The following NCKAP5 variants were observed in gnomAD, a reference collection of about 807,000 sequenced individuals.
NCKAP5 encodes the protein NCK associated protein 5.
NCKAP5 carries 92 observed loss-of-function variants against 167.0 expected under a neutral mutation model. That is an observed-to-expected ratio of 0.55 (90% CI 0.47 to 0.66). The LOEUF (loss-of-function observed/expected upper bound fraction) is 0.66, where lower values mean the gene tolerates loss of function less well. Ranked by LOEUF, NCKAP5 falls within the 30% of genes least tolerant of loss-of-function variation. NCKAP5 has a pLI of 0.00. For synonymous variants in NCKAP5, 891 were observed against 877.4 expected, an observed-to-expected ratio of 1.02 and a Z score of -0.27; for missense variants, 2,378 against 2,315.0, an observed-to-expected ratio of 1.03 and a Z score of -0.56.
the NCKAP5 span, among the ~76,000 whole-genome samples, chr2:133,622,952 C>T: frequency 1.3e-5 from 2 of 151,176 alleles, no homozygotes; most frequent in Non-Finnish European, 3.0e-5. Context: ...TAAAAATAGG[C>T]ACATAGACCA....
chr2:133,485,573 G>A (rs1014426445), intron 3 of NCKAP5, among the ~76,000 whole-genome samples: 2 of 152,160 alleles, frequency 1.3e-5, no homozygotes, highest in African/African-American at 4.8e-5. Flanking sequence ...TAGTGACAAG[G>A]TCAAAATCAG....
intron 3 of NCKAP5, among the ~76,000 whole-genome samples, chr2:133,346,962 G>A (rs989184285): frequency 2.6e-5 from 4 of 152,210 alleles, no homozygotes; most frequent in African/African-American, 7.2e-5. Flanking sequence ...ACTGAGTGTT[G>A]TAGTTGCCTC....
chr2:133,044,705 C>T (rs964290896), intron 6 of NCKAP5, among the ~76,000 whole-genome samples: 5 of 152,122 alleles, frequency 3.3e-5, no homozygotes, highest in South Asian at 2.1e-4. Context: ...AACAACCCAG[C>T]AATTTCACTC....
At chr2:132,909,492 C>T (rs1340688794) in intron 8 of NCKAP5, among the ~76,000 whole-genome samples, 2 of 152,158 alleles carry the variant, frequency 1.3e-5, no homozygotes, top group Non-Finnish European at 1.5e-5. Flanking sequence ...AAATTTTCCC[C>T]TTTATCAAAA....
rs146532015 is a variant in NCKAP5 at position 133,450,221 on chromosome 2, G to C, written c.69+67237C>G. Among the ~76,000 whole-genome samples the C allele has an allele frequency of 1.1e-4, 17 of 152,222 alleles. No homozygotes were observed. In the East Asian group the frequency reaches 3.3e-3, roughly 29 times the overall value. ...GTCTGTGCTGCCCATCTGTTCTCCAGGCTAATCTTCCCTGTTCTGTTATCC... is the reference window on the plus strand; with the variant it reads ...GTCTGTGCTGCCCATCTGTTCTCCACGCTAATCTTCCCTGTTCTGTTATCC... On this transcript the variant is annotated intron_variant, in intron 3 of 19. Coordinates refer to ENST00000409261, the MANE Select transcript of NCKAP5 (RefSeq NM_207363.3).
At chr2:132,827,157 G>A (rs1359505728) in intron 11 of NCKAP5, among the ~76,000 whole-genome samples, 2 of 152,156 alleles carry the variant, frequency 1.3e-5, no homozygotes, top group Non-Finnish European at 2.9e-5. Context: ...CAGTTAAAAT[G>A]ACTGAGCATT....
intron 5 of NCKAP5, among the ~76,000 whole-genome samples, chr2:133,177,168 AT>A (rs1248040603): frequency 5.0e-5 from 4 of 80,758 alleles, no homozygotes; most frequent in African/African-American, 3.3e-4. Context: ...TGTTTTCTAT[AT>A]ATATATATAT....
intron 4 of NCKAP5, among the ~76,000 whole-genome samples, chr2:133,239,954 C>A (rs7576431): frequency 0.056 from 8,437 of 152,010 alleles, 700 homozygotes; most frequent in African/African-American, 0.19. Flanking sequence ...CAATAAATAA[C>A]CCTGGCCTTA....
intron 19 of NCKAP5, among the ~76,000 whole-genome samples, chr2:132,673,886 A>T (rs1440706493): frequency 6.6e-6 from 1 of 152,086 alleles, no homozygotes; most frequent in East Asian, 1.9e-4. Context: ...TAAAAATTAA[A>T]GCGGCAGGTG....
chr2:132,932,973 G>A (rs570736740), intron 8 of NCKAP5, among the ~76,000 whole-genome samples: 17 of 141,200 alleles, frequency 1.2e-4, no homozygotes, highest in African/African-American at 4.6e-4. Context: ...TGCCCAGGCT[G>A]GAGTGCAGTG....
chr2:133,620,372 G>C, the NCKAP5 span, among the ~76,000 whole-genome samples: 1 of 152,000 alleles, frequency 6.6e-6, no homozygotes, highest in Non-Finnish European at 1.5e-5. Flanking sequence ...CTGTCTTCAG[G>C]AGACTCACCT....
intron 15 of NCKAP5, among the ~76,000 whole-genome samples, chr2:132,780,443 C>A (rs1682935375): frequency 2.0e-5 from 3 of 152,322 alleles, no homozygotes. Context: ...AGCCACCGCA[C>A]CCGGCCTTAT....
intron 5 of NCKAP5, among the ~76,000 whole-genome samples, chr2:133,188,375 C>T (rs374470808): frequency 2.0e-5 from 3 of 151,936 alleles, no homozygotes; most frequent in Non-Finnish European, 4.4e-5. Flanking sequence ...GACAGATCAA[C>T]GAGACAGAAA....
rs527834181 is a variant in NCKAP5, at chr2:132,704,238, G to A, written c.5713+21389C>T. On this transcript the variant is annotated intron_variant, in intron 19 of 19. Coordinates refer to ENST00000409261, the MANE Select transcript of NCKAP5 (RefSeq NM_207363.3). ...ACTTTTTGTATCACTGAGCCCAGAG[G>A]TGAAGTAGGTATCCGTCTTTCCTAC... Among the ~76,000 whole-genome samples, 5 of 152,232 alleles carry A rather than the reference G, an allele frequency of 3.3e-5. No homozygotes were observed. In the South Asian group the frequency reaches 1.0e-3, roughly 32 times the overall value.
intron 4 of NCKAP5, among the ~76,000 whole-genome samples, chr2:133,278,655 C>A (rs2089824979): frequency 6.6e-6 from 1 of 151,522 alleles, no homozygotes. Flanking sequence ...TCCTACCACA[C>A]ATAGCAAGAA....
At position 133,403,580 on chromosome 2, in the gene NCKAP5, T is replaced by C. The variant is rs369216908; in HGVS notation, c.70-100470A>G. On this transcript the variant is annotated intron_variant, in intron 3 of 19. Coordinates refer to ENST00000409261, the MANE Select transcript of NCKAP5 (RefSeq NM_207363.3). The stretch of plus-strand genomic sequence containing the variant: ...CGTACTAGATTTTCAGGAAAGTCCA[T>C]GTATTGTAATTCTAAGAACTCAAGG... Among the ~76,000 whole-genome samples, 30 of 152,294 alleles carry C rather than the reference T, an allele frequency of 2.0e-4. 1 individual carries two copies. The South Asian group carries it at 4.1e-3, about 21-fold the overall frequency.
At chr2:133,422,958 G>A (rs931523593) in intron 3 of NCKAP5, among the ~76,000 whole-genome samples, 3 of 152,096 alleles carry the variant, frequency 2.0e-5, no homozygotes, top group East Asian at 1.9e-4. Context: ...CCCCACCACC[G>A]GGAAGCCTAA....
intron 6 of NCKAP5, among the ~76,000 whole-genome samples, chr2:133,052,956 T>TA (rs769884658): frequency 3.4e-4 from 51 of 151,560 alleles, no homozygotes; most frequent in Non-Finnish European, 5.7e-4. Context: ...GAAAACAAAA[T>TA]AAAAAAATAC....
intron 11 of NCKAP5, among the ~76,000 whole-genome samples, chr2:132,829,092 C>T (rs898772249): frequency 2.0e-5 from 3 of 152,128 alleles, no homozygotes; most frequent in Non-Finnish European, 2.9e-5. Context: ...AAAACAACGA[C>T]AATGTCAGCT....
Sources: allele counts gnomAD v4.1 joint callset (sites outside exome capture counted in the v4.1 genomes callset), GRCh38; gene constraint gnomAD v4.1.1; transcripts MANE v1.5; gene names NCBI Gene and HGNC (gene_info 2026-07-23, HGNC 2026-07-21).